NMNAT3: variants seen among roughly 807,000 people sequenced by gnomAD.
The protein encoded by NMNAT3 is nicotinamide/nicotinic acid mononucleotide adenylyltransferase 3.
A neutral mutation model predicts 24.8 loss-of-function variants in NMNAT3; 21 were observed. The observed-to-expected ratio is 0.85, with a 90% CI of 0.60 to 1.22. The LOEUF is 1.22. Ranked by LOEUF, NMNAT3 falls within the 50% of genes most tolerant of loss-of-function variation. The pLI, the probability that NMNAT3 is intolerant of heterozygous loss-of-function variation, is 0.00. For synonymous variants in NMNAT3, 136 were observed against 155.2 expected, an observed-to-expected ratio of 0.88 and a Z score of 0.92; for missense variants, 387 against 436.6, an observed-to-expected ratio of 0.89 and a Z score of 1.01.
chr3:139,591,457 G>C (rs1161293234), intron 3 of NMNAT3, among the ~76,000 whole-genome samples: 2 of 152,154 alleles, frequency 1.3e-5, no homozygotes, highest in Non-Finnish European at 2.9e-5. Context: ...CGAACTGGGT[G>C]GAGCCCACCA....
intron 2 of NMNAT3, among the ~76,000 whole-genome samples, chr3:139,632,779 TG>T: frequency 6.6e-6 from 1 of 152,214 alleles, no homozygotes; most frequent in East Asian, 1.9e-4. Flanking sequence ...AACACCTCAC[TG>T]CAAGAGGCTG....
chr3:139,592,569 G>A (rs2054247029), intron 3 of NMNAT3, among the ~76,000 whole-genome samples: 1 of 152,194 alleles, frequency 6.6e-6, no homozygotes, highest in East Asian at 1.9e-4. Context: ...CAGCCAGAGA[G>A]AAAGGTTGGG....
intron 3 of NMNAT3, among the ~76,000 whole-genome samples, chr3:139,601,967 C>T (rs1321787927): frequency 1.3e-5 from 2 of 152,198 alleles, no homozygotes; most frequent in Non-Finnish European, 2.9e-5. Context: ...ATCTTCATAA[C>T]AACTGAAGCT....
intron 6 of NMNAT3, chr3:139,568,471 T>C (rs1203752597): frequency 6.6e-6 from 1 of 152,220 alleles, no homozygotes; most frequent in Non-Finnish European, 1.5e-5. Context: ...CTTTGTCTTG[T>C]GGCCTTTAGT....
chr3:139,633,021 G>A (rs935236200), intron 2 of NMNAT3, among the ~76,000 whole-genome samples: 12 of 152,116 alleles, frequency 7.9e-5, no homozygotes, highest in Non-Finnish European at 1.8e-4. Context: ...AGAGAGAGGT[G>A]CTAGGAAGGG....
Position 139,561,221 on chromosome 3 carries a change from C to T in NMNAT3, c.830G>A (p.Arg277Gln), listed in dbSNP as rs1215519865. 5.6e-6 allele frequency: 9 copies of T among 1,613,970 alleles called. No individual in the cohort carries two copies. The highest frequency in any genetic ancestry group is 2.2e-5 in the East Asian group (1 of 44,890). Residue 277 changes from arginine (R) to glutamine (Q), a missense_variant, in exon 7 of 7, where the codon CGG becomes CAG. Physicochemically the swap from Arg to Gln is conservative, Grantham distance 43. Transcript: ENST00000643695. ...CAGGTGAATGTTGTGCTGGTGCATC[C>T]GTAGGATGGGAGATTCTGCGATGTA...
At chr3:139,652,998 A>G (rs542626606) in intron 1 of NMNAT3, among the ~76,000 whole-genome samples, 1 of 152,318 alleles carries the variant, frequency 6.6e-6, no homozygotes, top group South Asian at 2.1e-4. Flanking sequence ...GTTTCATGAT[A>G]AGTATTTTAC....
chr3:139,605,160 G>A (rs2054887697), intron 3 of NMNAT3, among the ~76,000 whole-genome samples: 1 of 152,170 alleles, frequency 6.6e-6, no homozygotes, highest in African/African-American at 2.4e-5. Context: ...AGGCAGATCA[G>A]CGATGAGTCT....
At chr3:139,598,145 T>C (rs1223961314) in intron 3 of NMNAT3, among the ~76,000 whole-genome samples, 1 of 152,236 alleles carries the variant, frequency 6.6e-6, no homozygotes, top group Non-Finnish European at 1.5e-5. Flanking sequence ...CTCCATTCTC[T>C]GGCCTGGTAG....
At position 139,630,884 on chromosome 3, in the gene NMNAT3, G is replaced by GT. The variant is rs370831248; in HGVS notation, c.-40-3121dup. ...GATGACTGTATCTGAAAAGGTGGCT[G>GT]TTTTTTTTTTACAACTGTTATGAAG... On this transcript the variant is annotated intron_variant, in intron 2 of 6. Coordinates refer to ENST00000643695, the MANE Select transcript of NMNAT3 (RefSeq NM_001320510.2). Among the ~76,000 whole-genome samples, 487 of 148,448 alleles carry GT rather than the reference G, an allele frequency of 3.3e-3. 1 individual carries two copies. The highest frequency in any genetic ancestry group is 0.011 in the East Asian group (57 of 5,082).
chr3:139,627,559 G>A, intron 3 of NMNAT3, 57 bp downstream of exon 4: 1 of 937,154 alleles, frequency 1.1e-6, no homozygotes, highest in Non-Finnish European at 1.6e-6. Context: ...AGCCAGAAAA[G>A]CCCCATGAAG....
At chr3:139,639,402 T>C (rs1324953605) in intron 1 of NMNAT3, among the ~76,000 whole-genome samples, 2 of 152,208 alleles carry the variant, frequency 1.3e-5, no homozygotes, top group Non-Finnish European at 2.9e-5. Flanking sequence ...TCACAGATAT[T>C]TGAATAGCTA....
At chr3:139,658,113 C>T (rs183666738) in intron 1 of NMNAT3, among the ~76,000 whole-genome samples, 95 of 152,130 alleles carry the variant, frequency 6.2e-4, no homozygotes, top group African/African-American at 2.1e-3. Context: ...TGAAGGAGCT[C>T]GGGAAGCACC....
intron 1 of NMNAT3, among the ~76,000 whole-genome samples, chr3:139,664,301 G>T (rs146345852): frequency 1.2e-4 from 18 of 152,244 alleles, no homozygotes; most frequent in African/African-American, 4.3e-4. Flanking sequence ...TCCATTGTGT[G>T]GTCCTGCAAC....
chr3:139,602,248 T>C (rs575512960), intron 3 of NMNAT3, among the ~76,000 whole-genome samples: 2 of 152,222 alleles, frequency 1.3e-5, no homozygotes, highest in Non-Finnish European at 2.9e-5. Flanking sequence ...CAGGAAGCCA[T>C]TTTCTTAATT....
chr3:139,633,119 C>A (rs566433617), intron 2 of NMNAT3, among the ~76,000 whole-genome samples: 10 of 152,058 alleles, frequency 6.6e-5, no homozygotes, highest in African/African-American at 2.2e-4. Flanking sequence ...GGAACGCGGA[C>A]CCCTTCATTT....
At chr3:139,596,928 A>G (rs1439473302) in intron 3 of NMNAT3, among the ~76,000 whole-genome samples, 424 of 25,514 alleles carry the variant, frequency 0.017, 34 homozygotes, top group East Asian at 0.023. Context: ...ATATATATAT[A>G]TATATATATA....
intron 1 of NMNAT3, among the ~76,000 whole-genome samples, chr3:139,640,050 C>A (rs1199004172): frequency 6.6e-6 from 1 of 152,190 alleles, no homozygotes; most frequent in East Asian, 1.9e-4. Context: ...TCAGAAGAAC[C>A]CCTTCCCAGT....
intron 1 of NMNAT3, among the ~76,000 whole-genome samples, chr3:139,648,545 C>A (rs896448929): frequency 3.9e-5 from 6 of 152,132 alleles, no homozygotes; most frequent in Non-Finnish European, 1.5e-5. Context: ...AGAGGGGAAC[C>A]AAGGATTTAA....
Sources: allele counts gnomAD v4.1 joint callset (sites outside exome capture counted in the v4.1 genomes callset), GRCh38; gene constraint gnomAD v4.1.1; transcripts MANE v1.5; gene names NCBI Gene and HGNC (gene_info 2026-07-23, HGNC 2026-07-21).